ANTXR1: variants seen among roughly 807,000 people sequenced by gnomAD.
ANTXR1 encodes the protein anthrax toxin receptor 1.
ANTXR1 carries 19 observed loss-of-function variants against 78.1 expected under a neutral mutation model. The observed-to-expected ratio is 0.24, with a 90% CI of 0.17 to 0.36. The LOEUF (loss-of-function observed/expected upper bound fraction) is 0.36, where lower values mean the gene tolerates loss of function less well. Ranked by LOEUF, ANTXR1 falls within the 10% of genes least tolerant of loss-of-function variation. ANTXR1 has a pLI of 1.00. For missense variants in ANTXR1, 518 were observed against 718.6 expected, an observed-to-expected ratio of 0.72 and a Z score of 3.19; for synonymous variants, 273 against 260.5, an observed-to-expected ratio of 1.05 and a Z score of -0.46.
At chr2:69,135,113 A>G (rs1289644375) in intron 12 of ANTXR1, 1 of 380,306 alleles carries the variant, frequency 2.6e-6, no homozygotes. Flanking sequence ...GTTTGCCAAC[A>G]TCTCTATTTT....
intron 1 of ANTXR1, among the ~76,000 whole-genome samples, chr2:69,017,930 T>C (rs1437069231): frequency 6.6e-6 from 1 of 152,122 alleles, no homozygotes; most frequent in African/African-American, 2.4e-5. Flanking sequence ...ATTACGTATA[T>C]GTTTATGTAT....
chr2:69,225,074 T>C (rs1004875315), intron 17 of ANTXR1, among the ~76,000 whole-genome samples: 1 of 152,134 alleles, frequency 6.6e-6, no homozygotes, highest in Non-Finnish European at 1.5e-5. Flanking sequence ...CTCTGCACAC[T>C]TTGGTCCTTT....
rs141349744 is a variant in ANTXR1, at chr2:69,152,199, C to G, written c.982C>G (p.Leu328Val). The change falls in exon 13 of 18, where the codon CTG (leucine) becomes GTG (valine). Residue 328 changes from leucine (L) to valine (V), a missense_variant. This residue lies in a region of ANTXR1 where 264 missense variants were observed against 391.8 expected (regional missense o/e 0.67). Transcript: ENST00000303714. ...SDGSILAIAL[L>V]ILFLLLALAL... The stretch of plus-strand genomic sequence containing the variant: ...CGGTTCCATCCTGGCCATCGCCCTG[C>G]TGATCCTGTTCCTGCTCCTAGCCCT... 3 of 1,614,162 alleles carry G rather than the reference C, an allele frequency of 1.9e-6. No homozygotes were observed. Among genetic ancestry groups the G allele is most frequent in the Admixed American group, 3.3e-5 (2 of 60,026 alleles).
intron 9 of ANTXR1, 133 bp from the exon 10 acceptor site, chr2:69,102,709 G>A: frequency 1.0e-6 from 1 of 955,918 alleles, no homozygotes; most frequent in African/African-American, 1.6e-5. Flanking sequence ...GGTTGCTTTT[G>A]GTGTTCAACC....
At chr2:69,208,004 A>C (rs1373391697) in intron 17 of ANTXR1, among the ~76,000 whole-genome samples, 1 of 152,248 alleles carries the variant, frequency 6.6e-6, no homozygotes, top group African/African-American at 2.4e-5. Flanking sequence ...AAAGGTAGGC[A>C]CAACAGTGTA....
intron 1 of ANTXR1, among the ~76,000 whole-genome samples, chr2:69,037,679 AGGCT>A (rs1175887678): frequency 6.6e-6 from 1 of 152,102 alleles, no homozygotes; most frequent in African/African-American, 2.4e-5. Context: ...CATGTTAGCC[AGGCT>A]GGTCTGGAAC....
intron 3 of ANTXR1, among the ~76,000 whole-genome samples, chr2:69,054,697 A>G (rs1219695438): frequency 6.6e-6 from 1 of 152,218 alleles, no homozygotes; most frequent in Non-Finnish European, 1.5e-5. Context: ...CTCTGAAGAC[A>G]TCACTTGATT....
chr2:69,200,425 G>A (rs988119709), intron 17 of ANTXR1, among the ~76,000 whole-genome samples: 13 of 152,192 alleles, frequency 8.5e-5, no homozygotes, highest in Admixed American at 2.6e-4. Context: ...AGAATAGCCT[G>A]GGCAGGTTAT....
At chr2:69,057,498 A>G (rs1000769113) in intron 3 of ANTXR1, among the ~76,000 whole-genome samples, 1 of 152,108 alleles carries the variant, frequency 6.6e-6, no homozygotes, top group Non-Finnish European at 1.5e-5. Context: ...GTCATCTTTG[A>G]TGTTACTATC....
chr2:69,152,004 G>A (rs1294867146), intron 12 of ANTXR1, among the ~76,000 whole-genome samples, 165 bp from the exon 13 acceptor site: 1 of 152,224 alleles, frequency 6.6e-6, no homozygotes, highest in Non-Finnish European at 1.5e-5. Context: ...AGAGTGTGTT[G>A]CAGGGCCATG....
chr2:69,116,594 A>T (rs1672150544), intron 10 of ANTXR1, among the ~76,000 whole-genome samples: 1 of 152,186 alleles, frequency 6.6e-6, no homozygotes, highest in Non-Finnish European at 1.5e-5. Flanking sequence ...CCCAAGGGAC[A>T]CTAGGAGAAA....
chr2:69,064,655 G>A (rs1670342358), intron 3 of ANTXR1, among the ~76,000 whole-genome samples: 1 of 152,090 alleles, frequency 6.6e-6, no homozygotes, highest in South Asian at 2.1e-4. Flanking sequence ...TGAAAGAATG[G>A]AAAAAGATAT....
At chr2:69,027,621 A>AGT (rs10631795) in intron 1 of ANTXR1, among the ~76,000 whole-genome samples, 72,832 of 146,770 alleles carry the variant, frequency 0.5, 17,668 homozygotes, top group South Asian at 0.59. Flanking sequence ...AGATGATGCA[A>AGT]GTGTGTGTGT....
intron 2 of ANTXR1, among the ~76,000 whole-genome samples, chr2:69,040,338 G>A (rs539264240): frequency 6.6e-6 from 1 of 152,248 alleles, no homozygotes; most frequent in Non-Finnish European, 1.5e-5. Flanking sequence ...CTGGTTACGA[G>A]ACCAAAAATA....
chr2:69,073,221 T>C (rs1489344842), intron 6 of ANTXR1, 120 bp downstream of exon 6: 4 of 812,428 alleles, frequency 4.9e-6, no homozygotes, highest in South Asian at 2.9e-5. Context: ...CTGAATGAAA[T>C]AGAGTTTCAT....
Position 69,044,745 on chromosome 2 carries a change from A to G in ANTXR1, c.228A>G (p.Pro76=). The G allele has an allele frequency of 6.2e-7, 1 of 1,613,820 alleles. No individual in the cohort carries two copies. ...TAGAGCTTCTTTTCCTTTCCAGCCC[A>G]CAGTTGAGAATGTCCTTTATTGTTT... ...VEQLAHKFIS[P]QLRMSFIVFS... The change falls in exon 3 of 18, where the codon CCA becomes CCG. Residue 76 remains proline, a synonymous_variant. Coordinates refer to ENST00000303714, the MANE Select transcript of ANTXR1 (RefSeq NM_032208.3).
At chr2:69,191,420 C>G (rs772332996) in intron 16 of ANTXR1, among the ~76,000 whole-genome samples, 1 of 152,202 alleles carries the variant, frequency 6.6e-6, no homozygotes, top group Non-Finnish European at 1.5e-5. Flanking sequence ...TGTCCAGGAA[C>G]TTAAACTCTT....
intron 3 of ANTXR1, among the ~76,000 whole-genome samples, chr2:69,053,504 G>T (rs1196494099): frequency 6.6e-6 from 1 of 152,018 alleles, no homozygotes; most frequent in East Asian, 1.9e-4. Flanking sequence ...GACCTCAGCA[G>T]CTCCACATCA....
At chr2:69,196,830 G>A (rs948743296) in intron 17 of ANTXR1, among the ~76,000 whole-genome samples, 1 of 152,134 alleles carries the variant, frequency 6.6e-6, no homozygotes, top group Non-Finnish European at 1.5e-5. Context: ...CAGAAACCTG[G>A]CAAATTTTCC....
Sources: gnomAD v4.1 joint callset for allele counts (sites outside exome capture counted in the v4.1 genomes callset) on GRCh38, gnomAD v4.1.1 for gene constraint, gnomAD v4.1.1 regional missense constraint, MANE v1.5 for transcripts, NCBI Gene and HGNC (gene_info 2026-07-23, HGNC 2026-07-21) for gene names.